ZNF385D: variants seen among roughly 807,000 people sequenced by gnomAD.
ZNF385D encodes zinc finger protein 659.
A neutral mutation model predicts 35.8 loss-of-function variants in ZNF385D; 15 were observed. The ratio of observed to expected loss-of-function variants is 0.42; its 90% CI spans 0.28 to 0.64. The LOEUF (loss-of-function observed/expected upper bound fraction) is 0.64, where lower values mean the gene tolerates loss of function less well. ZNF385D is among the 30% of genes least tolerant of loss of function. The pLI is 0.23. For missense variants in ZNF385D, 474 were observed against 494.6 expected, an observed-to-expected ratio of 0.96 and a Z score of 0.39; for synonymous variants, 212 against 186.8, an observed-to-expected ratio of 1.13 and a Z score of -1.10.
At chr3:21,948,944 A>G (rs566792411) in intron 3 of ZNF385D, among the ~76,000 whole-genome samples, 2 of 152,124 alleles carry the variant, frequency 1.3e-5, no homozygotes, top group Non-Finnish European at 2.9e-5. Flanking sequence ...ACATTGACAA[A>G]TTGCCCTCCA....
chr3:22,250,227 A>C (rs937270234), intron 2 of ZNF385D, among the ~76,000 whole-genome samples: 2 of 152,096 alleles, frequency 1.3e-5, no homozygotes, highest in African/African-American at 4.8e-5. Context: ...TTCTTTATAG[A>C]TATATTTCCA....
At chr3:21,936,747 A>C (rs1467707141) in intron 3 of ZNF385D, among the ~76,000 whole-genome samples, 1 of 152,162 alleles carries the variant, frequency 6.6e-6, no homozygotes, top group East Asian at 1.9e-4. Context: ...TAAAAGCTAA[A>C]ATTTTAAAAA....
intron 3 of ZNF385D, among the ~76,000 whole-genome samples, chr3:22,005,117 G>T (rs1489164550): frequency 7.0e-6 from 1 of 143,828 alleles, no homozygotes; most frequent in Non-Finnish European, 1.5e-5. Context: ...TTAAAAAGTG[G>T]GCAAAGAATA....
intron 2 of ZNF385D, among the ~76,000 whole-genome samples, chr3:22,274,157 C>T (rs1552737): frequency 0.55 from 83,441 of 151,524 alleles, 24,777 homozygotes; most frequent in African/African-American, 0.79. Flanking sequence ...GATTTTCTTC[C>T]CTCCATTTTT....
intron 3 of ZNF385D, among the ~76,000 whole-genome samples, chr3:21,819,772 A>G (rs1286459528): frequency 1.9e-5 from 1 of 52,694 alleles, no homozygotes; most frequent in Admixed American, 1.4e-4. Context: ...ATATATAATT[A>G]ATACACATAA....
intron 3 of ZNF385D, among the ~76,000 whole-genome samples, chr3:21,945,500 A>T (rs1340292649): frequency 1.3e-5 from 2 of 152,234 alleles, no homozygotes; most frequent in Non-Finnish European, 2.9e-5. Flanking sequence ...CAATTTCTGT[A>T]AAACAAAAAT....
intron 3 of ZNF385D, among the ~76,000 whole-genome samples, chr3:21,825,118 G>A (rs1398392105): frequency 6.6e-6 from 1 of 152,124 alleles, no homozygotes; most frequent in East Asian, 1.9e-4. Context: ...TATTTCTAAT[G>A]TTAAATATTT....
At chr3:21,752,000 C>G (rs1007166791), upstream of ZNF385D, among the ~76,000 whole-genome samples, 6 of 87,630 alleles carry the variant, frequency 6.8e-5, no homozygotes, top group Non-Finnish European at 1.6e-4. Context: ...CACACACACA[C>G]ACACCCACCC....
At chr3:21,728,802 C>T (rs2068872397) in intron 1 of ZNF385D, among the ~76,000 whole-genome samples, 1 of 152,224 alleles carries the variant, frequency 6.6e-6, no homozygotes, top group Non-Finnish European at 1.5e-5. Flanking sequence ...CTCACCCCTA[C>T]ACAGCTTTGC....
chr3:22,293,671 A>G (rs1460829409), intron 2 of ZNF385D, among the ~76,000 whole-genome samples: 1 of 152,132 alleles, frequency 6.6e-6, no homozygotes, highest in Non-Finnish European at 1.5e-5. Flanking sequence ...ACAGCTTGGC[A>G]TGACTCCCAG....
At chr3:22,200,477 G>C (rs1389834044) in intron 2 of ZNF385D, among the ~76,000 whole-genome samples, 1 of 152,036 alleles carries the variant, frequency 6.6e-6, no homozygotes, top group Non-Finnish European at 1.5e-5. Context: ...ACTTCACAAG[G>C]TAATAGAATA....
At chr3:21,612,349 C>T (rs1034894603) in intron 2 of ZNF385D, among the ~76,000 whole-genome samples, 1 of 152,064 alleles carries the variant, frequency 6.6e-6, no homozygotes, top group African/African-American at 2.4e-5. Flanking sequence ...CTGCCCACCT[C>T]GGCCTCCCAA....
chr3:22,206,000 C>G (rs1445949693), intron 2 of ZNF385D, among the ~76,000 whole-genome samples: 1 of 151,636 alleles, frequency 6.6e-6, no homozygotes, highest in Non-Finnish European at 1.5e-5. Flanking sequence ...TCAAATCTTG[C>G]CATATACAAA....
At chr3:21,976,266 A>T in intron 3 of ZNF385D, among the ~76,000 whole-genome samples, 1 of 152,196 alleles carries the variant, frequency 6.6e-6, no homozygotes, top group Non-Finnish European at 1.5e-5. Context: ...ATATTAAGTA[A>T]TAGGACCAGA....
chr3:21,571,601 C>T (rs752081293), intron 2 of ZNF385D, among the ~76,000 whole-genome samples: 4 of 151,716 alleles, frequency 2.6e-5, no homozygotes, highest in East Asian at 3.9e-4. Context: ...GTAGACTCCA[C>T]GATTTAAGGG....
intron 3 of ZNF385D, among the ~76,000 whole-genome samples, chr3:22,043,288 A>G (rs761908583): frequency 4.6e-5 from 7 of 152,160 alleles, no homozygotes; most frequent in African/African-American, 1.4e-4. Flanking sequence ...TGGTTCAAAC[A>G]CCGTCAAAGA....
chr3:21,813,417 A>T (rs543590428), intron 3 of ZNF385D, among the ~76,000 whole-genome samples: 1 of 152,324 alleles, frequency 6.6e-6, no homozygotes, highest in East Asian at 1.9e-4. Context: ...CTAAAGGAGG[A>T]TGTCTGAACC....
In ZNF385D at chr3:21,465,270, A is replaced by G. The variant is rs1168977377; in HGVS notation, c.440-28067T>C. ...TCCCAATTTCTTTTGCTAAAAGACTATTTGTATTTATCCAGTTAGGTGTCT... is the reference window on the plus strand; with the variant it reads ...TCCCAATTTCTTTTGCTAAAAGACTGTTTGTATTTATCCAGTTAGGTGTCT... On this transcript the variant is annotated intron_variant, in intron 4 of 7. Coordinates refer to ENST00000281523, the MANE Select transcript of ZNF385D (RefSeq NM_024697.3). The surrounding 1 kb of genome is among the most constrained non-coding windows in gnomAD (Gnocchi z 4.2). 6.6e-6 allele frequency among the ~76,000 whole-genome samples: 1 copy of G among 152,182 alleles called. No homozygotes were observed. Among genetic ancestry groups the G allele is most frequent in the African/African-American group, 2.4e-5 (1 of 41,438 alleles).
intron 1 of ZNF385D, among the ~76,000 whole-genome samples, chr3:21,736,645 A>C (rs1040151872): frequency 6.6e-6 from 1 of 152,166 alleles, no homozygotes; most frequent in Non-Finnish European, 1.5e-5. Flanking sequence ...TTATGGCACC[A>C]CTGCCTTTTT....
Sources: gnomAD v4.1 joint callset for allele counts (sites outside exome capture counted in the v4.1 genomes callset) on GRCh38, gnomAD v4.1.1 for gene constraint, Gnocchi (gnomAD v3.1) non-coding constraint, MANE v1.5 for transcripts, NCBI Gene and HGNC (gene_info 2026-07-23, HGNC 2026-07-21) for gene names.